FRMPD4: variants seen among roughly 807,000 people sequenced by gnomAD.
FRMPD4 encodes the protein FERM and PDZ domain-containing protein 4.
In FRMPD4, 22 loss-of-function variants were observed where a neutral mutation model predicts 94.1. The observed-to-expected ratio is 0.23, with a 90% CI of 0.17 to 0.33. The LOEUF (loss-of-function observed/expected upper bound fraction) is 0.33. Ranked by LOEUF, FRMPD4 falls within the 10% of genes least tolerant of loss-of-function variation. The pLI, the probability that FRMPD4 is intolerant of heterozygous loss-of-function variation, is 1.00. For synonymous variants in FRMPD4, 631 were observed against 548.6 expected, an observed-to-expected ratio of 1.15 and a Z score of -2.10; for missense variants, 1,111 against 1,339.9, an observed-to-expected ratio of 0.83 and a Z score of 2.67.
At chrX:12,614,422 A>G (rs1000745797) in intron 3 of FRMPD4, among the ~76,000 whole-genome samples, 4 of 110,630 alleles carry the variant, frequency 3.6e-5, no homozygotes, top group Non-Finnish European at 7.6e-5. Flanking sequence ...GACCAGCAGC[A>G]TCAGCAGCAC....
chrX:12,655,259 A>G (rs915920588), intron 4 of FRMPD4, among the ~76,000 whole-genome samples: 1 of 112,266 alleles, frequency 8.9e-6, no homozygotes, highest in African/African-American at 3.2e-5. Flanking sequence ...GGGAGAAACT[A>G]TTAAAATCTT....
chrX:12,716,727 C>T lies in FRMPD4; in HGVS notation c.2268C>T (p.Cys756=), dbSNP rs760448109. The part of the protein sequence containing the change: ...DDAEDEDEVS[C]EEDLVVGEMN... ...CGGAGGACGAGGACGAGGTGAGCTG[C>T]GAGGAGGACCTCGTGGTGGGGGAGA... is the stretch of plus-strand genomic sequence containing the variant. Residue 756 remains cysteine, a synonymous_variant, in exon 15 of 17, where the codon TGC becomes TGT. Coordinates refer to ENST00000675598, the MANE Select transcript of FRMPD4 (RefSeq NM_001368397.1). 8.3e-6 allele frequency: 10 copies of T among 1,209,766 alleles called. No homozygotes were observed. The highest frequency in any genetic ancestry group is 3.5e-5 in the African/African-American group (2 of 57,239).
chrX:12,384,590 C>T (rs945014274), intron 1 of FRMPD4, among the ~76,000 whole-genome samples: 2 of 111,566 alleles, frequency 1.8e-5, no homozygotes, highest in Non-Finnish European at 3.8e-5. Context: ...TCTGGCAGAC[C>T]GCTGTATCCC....
At chrX:12,325,107 A>C (rs925615191) in intron 1 of FRMPD4, among the ~76,000 whole-genome samples, 3 of 112,680 alleles carry the variant, frequency 2.7e-5, no homozygotes, top group Non-Finnish European at 5.6e-5. Context: ...TTATTCTTGA[A>C]AAATATTATT....
chrX:11,983,371 T>C (rs994045005), intron 3 of FRMPD4, among the ~76,000 whole-genome samples: 1 of 111,952 alleles, frequency 8.9e-6, no homozygotes, highest in Non-Finnish European at 1.9e-5. Flanking sequence ...TTATCTCCTC[T>C]TTACTGTACC....
At chrX:12,325,718 A>G (rs911421040) in intron 1 of FRMPD4, among the ~76,000 whole-genome samples, 1 of 112,412 alleles carries the variant, frequency 8.9e-6, no homozygotes, top group Non-Finnish European at 1.9e-5. Flanking sequence ...GCATTCCCTG[A>G]AGCTCTAAAA....
At chrX:12,230,634 C>A (rs1241766767) in intron 1 of FRMPD4, among the ~76,000 whole-genome samples, 1 of 108,648 alleles carries the variant, frequency 9.2e-6, no homozygotes, top group East Asian at 2.9e-4. Flanking sequence ...AGGTATGGTT[C>A]CAAAGGGGCT....
chrX:12,063,373 GAAAC>G lies in FRMPD4; in HGVS notation c.95+185375_95+185378del, dbSNP rs201592615. On this transcript the variant is annotated intron_variant, in intron 3 of 18. Transcript: ENST00000640291. ...AACAGAGTGAGACCACATTTCAAAA[GAAAC>G]AAACAAACAAACAAACAAAAAAATG... 5.2e-3 allele frequency among the ~76,000 whole-genome samples: 582 copies of G among 111,061 alleles called. 3 individuals carry two copies. The highest frequency in any genetic ancestry group is 0.018 in the African/African-American group (560 of 30,543).
rs2042293795 is a variant in FRMPD4 at position 12,724,352 on chromosome X, G to T, written c.*2494G>T. 1 of 111,562 alleles carries T rather than the reference G, an allele frequency of 9.0e-6. No individual in the cohort carries two copies. Among genetic ancestry groups the T allele is most frequent in the African/African-American group, 3.3e-5 (1 of 30,711 alleles). The allele number at this position is 111,562 out of a possible 1,213,427, so 9.2% of individuals were successfully genotyped here. A position where few individuals can be genotyped will look rare whatever the true frequency, so the allele number is the denominator to read the frequency against. ...GGGGCCCCCACATTCACTAAGCATG[G>T]GGCTCCTAACTGGGGTCCAGGTCCA... On this transcript the variant is annotated 3_prime_UTR_variant, in exon 17 of 17. Coordinates refer to ENST00000675598, the MANE Select transcript of FRMPD4 (RefSeq NM_001368397.1).
chrX:12,079,292 G>A (rs1226604860), intron 3 of FRMPD4, among the ~76,000 whole-genome samples: 22 of 109,489 alleles, frequency 2.0e-4, no homozygotes, highest in South Asian at 2.0e-3. Flanking sequence ...ATTCTCCACC[G>A]CCGCCCCCTC....
intron 3 of FRMPD4, among the ~76,000 whole-genome samples, chrX:11,935,024 A>G (rs2054145050): frequency 9.5e-6 from 1 of 104,963 alleles, no homozygotes; most frequent in Non-Finnish European, 1.9e-5. Flanking sequence ...ATTTGTCAAT[A>G]AACTTTGGCC....
intron 3 of FRMPD4, among the ~76,000 whole-genome samples, chrX:11,920,267 C>A (rs1403263265): frequency 8.9e-6 from 1 of 112,171 alleles, no homozygotes; most frequent in Non-Finnish European, 1.9e-5. Context: ...ATTCTAACAT[C>A]TTTATTTAAA....
intron 2 of FRMPD4, among the ~76,000 whole-genome samples, chrX:12,499,447 A>G (rs1207860412): frequency 8.9e-6 from 1 of 112,157 alleles, no homozygotes; most frequent in Non-Finnish European, 1.9e-5. Context: ...TTGTGCAACC[A>G]TTCGCTACTA....
rs771251280 is a variant in FRMPD4 at position 12,456,533 on chromosome X, C to T, written c.42-42147C>T. On this transcript the variant is annotated intron_variant, in intron 1 of 16. Coordinates refer to ENST00000675598, the MANE Select transcript of FRMPD4 (RefSeq NM_001368397.1). ...TCCAATCTTCCTTCTTCCTCCCTCC[C>T]TCTCTGTCAAAGGGAAATAAACACA... 3.4e-4 allele frequency among the ~76,000 whole-genome samples: 38 copies of T among 112,132 alleles called. No individual in the cohort carries two copies. In the South Asian group the frequency reaches 0.013, roughly 39 times the overall value.
In FRMPD4 at chrX:12,473,830, C is replaced by T. The variant is rs774393026; in HGVS notation, c.42-24850C>T. On this transcript the variant is annotated intron_variant, in intron 1 of 16. Coordinates refer to ENST00000675598, the MANE Select transcript of FRMPD4 (RefSeq NM_001368397.1). ...ATTCATAAAGCAAGTCCTTAGAGAC[C>T]TACAAAGAGACTTAGACTCCCACAC... Among the ~76,000 whole-genome samples, 82 of 109,845 alleles carry T rather than the reference C, an allele frequency of 7.5e-4. 2 individuals are homozygous for T. The highest frequency in any genetic ancestry group is 1.2e-3 in the Admixed American group (13 of 10,511).
intron 3 of FRMPD4, among the ~76,000 whole-genome samples, chrX:11,970,051 T>G (rs1361085447): frequency 9.0e-6 from 1 of 111,381 alleles, no homozygotes; most frequent in Non-Finnish European, 1.9e-5. Context: ...CAGGTGCAGT[T>G]TGCTGTATTT....
intron 1 of FRMPD4, among the ~76,000 whole-genome samples, chrX:12,224,636 A>T (rs1225052553): frequency 9.0e-6 from 1 of 111,603 alleles, no homozygotes; most frequent in African/African-American, 3.3e-5. Context: ...TTTGCCTACC[A>T]TCCTAACAGC....
chrX:12,693,491 C>A (rs771906007), intron 8 of FRMPD4, among the ~76,000 whole-genome samples: 12 of 111,848 alleles, frequency 1.1e-4, no homozygotes, highest in Non-Finnish European at 1.5e-4. Flanking sequence ...CCCTGAAGAA[C>A]CTGTGGTATA....
At chrX:11,903,163 C>T (rs996602199) in intron 3 of FRMPD4, among the ~76,000 whole-genome samples, 2 of 111,994 alleles carry the variant, frequency 1.8e-5, no homozygotes, top group African/African-American at 6.5e-5. Flanking sequence ...GGACATTTTC[C>T]AAATCTTTCC....
Sources: allele counts gnomAD v4.1 joint callset (sites outside exome capture counted in the v4.1 genomes callset), GRCh38; gene constraint gnomAD v4.1.1; transcripts MANE v1.5; gene names NCBI Gene and HGNC (gene_info 2026-07-23, HGNC 2026-07-21).